Variants in PLD5 observed in about 807,000 individuals in gnomAD.
PLD5 encodes phospholipase D family member 5, also known as inactive phospholipase D5.
PLD5 carries 36 observed loss-of-function variants against 61.1 expected under a neutral mutation model. The ratio of observed to expected loss-of-function variants is 0.59; its 90% CI spans 0.45 to 0.78. PLD5 has a LOEUF of 0.78. Among genes scored for constraint, PLD5 ranks in the 30% least tolerant of loss-of-function variants. PLD5 has a pLI of 0.00. For synonymous variants in PLD5, 243 were observed against 242.8 expected (o/e 1.00, Z -0.01); for missense variants, 515 against 644.4 (o/e 0.80, Z 2.17).
At chr1:242,266,984 G>A (rs1213371044) in intron 3 of PLD5, among the ~76,000 whole-genome samples, 1 of 152,132 alleles carries the variant, frequency 6.6e-6, no homozygotes, top group African/African-American at 2.4e-5. Flanking sequence ...GGGCATGGTG[G>A]TGGGTGCCTG....
At chr1:242,277,579 C>T (rs946613617) in intron 3 of PLD5, among the ~76,000 whole-genome samples, 5 of 148,662 alleles carry the variant, frequency 3.4e-5, no homozygotes, top group African/African-American at 7.5e-5. Flanking sequence ...TTAACTTAAC[C>T]TGGTAAGTCT....
intron 7 of PLD5, among the ~76,000 whole-genome samples, chr1:242,112,009 A>G (rs1371389140): frequency 2.0e-5 from 3 of 152,268 alleles, no homozygotes; most frequent in East Asian, 1.9e-4. Context: ...AATTTTGTTC[A>G]TAGAACTTCA....
Position 242,124,510 on chromosome 1 carries a change from C to T in PLD5, c.891G>A (p.Leu297=), listed in dbSNP as rs1490268737. Residue 297 remains leucine, a synonymous_variant, in exon 6 of 10, where the codon TTG becomes TTA. Coordinates refer to ENST00000536534, the MANE Select transcript of PLD5 (RefSeq NM_001372062.1). Reference sequence around the variant, plus strand: ...ATTTGGTTTCATTCAACTGAAGTTGCAATTTCTTTTCATTGTCATAGACTC... The same window carrying T: ...ATTTGGTTTCATTCAACTGAAGTTGTAATTTCTTTTCATTGTCATAGACTC... ...LYGVYDNEKK[L]QLQLNETKSQ... The T allele has an allele frequency of 1.9e-6, 3 of 1,613,896 alleles. No homozygotes were observed. The highest frequency in any genetic ancestry group is 2.5e-6 in the Non-Finnish European group (3 of 1,179,964).
intron 2 of PLD5, among the ~76,000 whole-genome samples, chr1:242,329,049 C>T (rs1659007242): frequency 1.3e-5 from 2 of 151,668 alleles, no homozygotes; most frequent in Non-Finnish European, 2.9e-5. Flanking sequence ...CGCTCTGTCA[C>T]CCAGGGTGGA....
At chr1:242,116,123 A>C (rs556930363) in intron 6 of PLD5, among the ~76,000 whole-genome samples, 18 of 152,216 alleles carry the variant, frequency 1.2e-4, no homozygotes, top group Non-Finnish European at 2.2e-4. Context: ...AAAAGGCTGA[A>C]TAAACAGATT....
chr1:242,394,987 GAATA>G (rs1313292765), intron 1 of PLD5, among the ~76,000 whole-genome samples: 3 of 55,186 alleles, frequency 5.4e-5, no homozygotes, highest in Admixed American at 2.1e-4. Context: ...GAATATATAT[GAATA>G]TATATGTATA....
chr1:242,295,226 T>C (rs1675589155), intron 2 of PLD5, among the ~76,000 whole-genome samples: 2 of 152,268 alleles, frequency 1.3e-5, no homozygotes, highest in Admixed American at 6.5e-5. Context: ...TCTAGTGATC[T>C]CATCACCCAA....
intron 1 of PLD5, among the ~76,000 whole-genome samples, chr1:242,458,865 A>G (rs1028996781): frequency 6.6e-5 from 10 of 152,342 alleles, no homozygotes; most frequent in African/African-American, 2.4e-4. Context: ...CCTTCTATCC[A>G]TGTTATTAAC....
At chr1:242,353,866 T>C (rs1258494146) in intron 1 of PLD5, among the ~76,000 whole-genome samples, 1 of 135,674 alleles carries the variant, frequency 7.4e-6, no homozygotes, top group Non-Finnish European at 1.7e-5. Context: ...TTTTATTTTT[T>C]ATAACTATTA....
At chr1:242,136,771 C>T (rs12750444) in intron 5 of PLD5, among the ~76,000 whole-genome samples, 13,117 of 152,164 alleles carry the variant, frequency 0.086, 720 homozygotes, top group South Asian at 0.17. Flanking sequence ...AATCTGGGAA[C>T]CTTATGTAAC....
intron 2 of PLD5, among the ~76,000 whole-genome samples, chr1:242,308,591 T>C (rs1302855615): frequency 6.6e-6 from 1 of 152,126 alleles, no homozygotes; most frequent in Admixed American, 6.6e-5. Flanking sequence ...ACTATATATA[T>C]CAGAAATAAT....
At chr1:242,104,215 A>G (rs957482100) in intron 8 of PLD5, among the ~76,000 whole-genome samples, 2 of 151,824 alleles carry the variant, frequency 1.3e-5, no homozygotes, top group Admixed American at 6.6e-5. Flanking sequence ...CTCCTAGGCT[A>G]AAGTGATCCT....
chr1:242,257,535 T>A (rs1673140228), intron 4 of PLD5, among the ~76,000 whole-genome samples: 1 of 152,154 alleles, frequency 6.6e-6, no homozygotes, highest in Non-Finnish European at 1.5e-5. Context: ...TCACTGGCAA[T>A]AAGGAGCGAT....
intron 1 of PLD5, among the ~76,000 whole-genome samples, chr1:242,493,101 A>T (rs1272359810): frequency 1.3e-5 from 2 of 152,154 alleles, no homozygotes; most frequent in African/African-American, 4.8e-5. Flanking sequence ...AAATATTTTA[A>T]TTCTTACTCT....
intron 1 of PLD5, among the ~76,000 whole-genome samples, chr1:242,425,746 C>G (rs112324821): frequency 0.033 from 4,983 of 151,490 alleles, 286 homozygotes; most frequent in African/African-American, 0.11. Context: ...GGGTTCACAC[C>G]ATTCTCCTGC....
At chr1:242,420,785 C>T (rs1311972511) in intron 1 of PLD5, among the ~76,000 whole-genome samples, 1 of 152,200 alleles carries the variant, frequency 6.6e-6, no homozygotes, top group East Asian at 1.9e-4. Context: ...ATTCCTTTTA[C>T]ATAGACCATC....
chr1:242,239,059 A>G (rs191016730), intron 4 of PLD5, among the ~76,000 whole-genome samples: 1 of 152,318 alleles, frequency 6.6e-6, no homozygotes, highest in Admixed American at 6.5e-5. Context: ...TTCAAAATTT[A>G]TAACATTTTG....
chr1:242,512,257 A>G (rs1419174489), intron 1 of PLD5, among the ~76,000 whole-genome samples: 1 of 88,056 alleles, frequency 1.1e-5, no homozygotes, highest in Non-Finnish European at 2.4e-5. Context: ...TAAAAATACA[A>G]AAAAAAAAAA....
At chr1:242,364,428 T>G (rs1200320562) in intron 1 of PLD5, among the ~76,000 whole-genome samples, 2 of 152,118 alleles carry the variant, frequency 1.3e-5, no homozygotes, top group African/African-American at 4.8e-5. Context: ...TTAAAAGAAT[T>G]TTAGAAAGCC....
Sources: allele counts gnomAD v4.1 joint callset (sites outside exome capture counted in the v4.1 genomes callset), GRCh38; gene constraint gnomAD v4.1.1; transcripts MANE v1.5; gene names NCBI Gene and HGNC (gene_info 2026-07-23, HGNC 2026-07-21).